The following CARM1 variants were observed in gnomAD, a reference collection of about 807,000 sequenced individuals.
CARM1 encodes the protein coactivator associated arginine methyltransferase 1.
In CARM1, 14 loss-of-function variants were observed where a neutral mutation model predicts 72.7. That is an observed-to-expected ratio of 0.19 (90% CI 0.13 to 0.30). The LOEUF is 0.30. CARM1 is among the 10% of genes least tolerant of loss of function. The pLI, the probability that CARM1 is intolerant of heterozygous loss-of-function variation, is 1.00. For missense variants in CARM1, 432 were observed against 833.7 expected (o/e 0.52, Z 5.93); for synonymous variants, 333 against 345.5 (o/e 0.96, Z 0.40).
At position 10,914,064 on chromosome 19, in the gene CARM1, G is replaced by T. The variant is rs1401369685; in HGVS notation, c.847+10G>T. The T allele has an allele frequency of 1.6e-5, 26 of 1,607,118 alleles. No homozygotes were observed. The highest frequency in any genetic ancestry group is 4.5e-5 in the East Asian group (2 of 44,510). On this transcript the variant is annotated intron_variant, in intron 6 of 15. Transcript: ENST00000327064. The stretch of plus-strand genomic sequence containing the variant: ...TACCTGAAGCCCAGCGGTGAGCACT[G>T]GGGGGTACACAGGCCAGGCCCCTCG...
Position 10,921,833 on chromosome 19 carries a change from C to T in CARM1, c.*76C>T. Reference sequence around the variant, plus strand: ...CCGCCGCCCCCGCCGGGCGGCTTTCCCCCTTGTACTGGAGAAGCTCGAACA... The same window carrying T: ...CCGCCGCCCCCGCCGGGCGGCTTTCTCCCTTGTACTGGAGAAGCTCGAACA... On this transcript the variant is annotated 3_prime_UTR_variant, in exon 16 of 16. Coordinates refer to ENST00000327064, the MANE Select transcript of CARM1 (RefSeq NM_199141.2). The T allele has an allele frequency of 1.4e-6, 2 of 1,430,870 alleles. No individual in the cohort carries two copies. Among genetic ancestry groups the T allele is most frequent in the East Asian group, 4.7e-5 (2 of 42,478 alleles). The allele number at this position is 1,430,870 out of a possible 1,614,324, so 88.6% of individuals were successfully genotyped here.
intron 1 of CARM1, among the ~76,000 whole-genome samples, chr19:10,885,125 C>G (rs909220131): frequency 6.6e-6 from 1 of 152,220 alleles, no homozygotes; most frequent in Non-Finnish European, 1.5e-5. Flanking sequence ...AGACATGGAA[C>G]TTGTTCCCCT....
intron 1 of CARM1, among the ~76,000 whole-genome samples, chr19:10,903,843 C>T (rs1457800810): frequency 6.6e-6 from 1 of 152,150 alleles, no homozygotes; most frequent in African/African-American, 2.4e-5. Flanking sequence ...CCTAAGACAA[C>T]AGGCGCATGC....
At chr19:10,875,458 T>C (rs1251025825) in intron 1 of CARM1, among the ~76,000 whole-genome samples, 1 of 151,712 alleles carries the variant, frequency 6.6e-6, no homozygotes, top group Non-Finnish European at 1.5e-5. Context: ...GGAGTCTGGC[T>C]CTGTCACCCA....
intron 4 of CARM1, among the ~76,000 whole-genome samples, chr19:10,910,860 G>A (rs557941664): frequency 2.6e-5 from 4 of 151,794 alleles, no homozygotes; most frequent in South Asian, 2.1e-4. Context: ...CACTGCACCC[G>A]GCTTACTCAG....
intron 4 of CARM1, among the ~76,000 whole-genome samples, chr19:10,910,051 G>T (rs1017487649): frequency 2.0e-5 from 3 of 152,076 alleles, no homozygotes; most frequent in African/African-American, 4.8e-5. Flanking sequence ...TGTGATTGGG[G>T]TACTGCTCTC....
chr19:10,895,191 G>T (rs2074015674), intron 1 of CARM1, among the ~76,000 whole-genome samples: 1 of 152,080 alleles, frequency 6.6e-6, no homozygotes, highest in Admixed American at 6.6e-5. Context: ...TGCAACCTCC[G>T]CCTCCCAGGT....
Position 10,871,814 on chromosome 19 carries a change from C to A in CARM1, c.112C>A (p.Leu38Ile). 2 of 1,278,042 alleles carry A rather than the reference C, an allele frequency of 1.6e-6. No homozygotes were observed. Among genetic ancestry groups the A allele is most frequent in the Non-Finnish European group, 2.0e-6 (2 of 1,004,768 alleles). 79.2% of individuals were successfully genotyped at this position (1,278,042 alleles called of 1,614,324 possible). ...TVSVFPGARL[L>I]TIGDANGEIQ... The stretch of plus-strand genomic sequence containing the variant: ...GTCGGTGTTCCCCGGCGCCCGCCTC[C>A]TCACCATCGGCGACGCGAACGGCGA... Residue 38 changes from leucine to isoleucine, a missense_variant, in exon 1 of 16, where the codon CTC becomes ATC. By Grantham distance (5) the Leu-to-Ile change is conservative. Around this residue, in one of 3 missense-constraint regions of CARM1, gnomAD observed 138 missense variants for 192.3 expected, o/e 0.72. Coordinates refer to ENST00000327064, the MANE Select transcript of CARM1 (RefSeq NM_199141.2). This position sits in a 1 kb window ranked among gnomAD's most constrained non-coding sequence, Gnocchi z 5.6.
chr19:10,875,430 TC>T lies in CARM1; in HGVS notation c.220+3509del, dbSNP rs1236943096. Among the ~76,000 whole-genome samples, 64 of 152,016 alleles carry T rather than the reference TC, an allele frequency of 4.2e-4. 2 individuals carry two copies. In the South Asian group the frequency reaches 0.012, roughly 29 times the overall value. Reference sequence around the variant, plus strand: ...TCCCACCTCAGCTGTTCTTTTCTTTTCTTTTTTTTTTTGAGACGGAGTCTGG... The same window carrying T: ...TCCCACCTCAGCTGTTCTTTTCTTTTTTTTTTTTTTTGAGACGGAGTCTGG... On this transcript the variant is annotated intron_variant, in intron 1 of 15. Transcript: ENST00000327064.
At chr19:10,882,762 G>A (rs2073911853) in intron 1 of CARM1, among the ~76,000 whole-genome samples, 1 of 152,046 alleles carries the variant, frequency 6.6e-6, no homozygotes. Flanking sequence ...GGCTGGCCTC[G>A]AACTCCTAAC....
intron 1 of CARM1, among the ~76,000 whole-genome samples, chr19:10,890,343 C>G (rs1333758476): frequency 6.6e-6 from 1 of 150,382 alleles, no homozygotes; most frequent in Non-Finnish European, 1.5e-5. Context: ...TCTTGGCTCA[C>G]TGCAACCTCC....
intron 1 of CARM1, among the ~76,000 whole-genome samples, chr19:10,879,521 G>C (rs2073886597): frequency 6.6e-6 from 1 of 152,188 alleles, no homozygotes; most frequent in Admixed American, 6.5e-5. Flanking sequence ...CAGTGGGCCA[G>C]GGCTGGAGAC....
chr19:10,871,610 G>GGCGGCT lies in CARM1; in HGVS notation c.-88_-87insTGCGGC, dbSNP rs1555723442. The GGCGGCT allele has an allele frequency of 2.0e-4, 26 of 132,816 alleles. No homozygotes were observed. Among genetic ancestry groups the GGCGGCT allele is most frequent in the South Asian group, 1.2e-3 (5 of 4,136 alleles). The allele number at this position is 132,816 out of a possible 1,614,324, so 8.2% of individuals were successfully genotyped here. ...CGGCAGCGGCGGCGGCGGCGGCGGC[G>GGCGGCT]GCGGCGGCGGCGGCGGCGGCGGCGG... is the stretch of plus-strand genomic sequence containing the variant. On this transcript the variant is annotated 5_prime_UTR_variant, in exon 1 of 16. Transcript: ENST00000327064. This position sits in a 1 kb window ranked among gnomAD's most constrained non-coding sequence, Gnocchi z 5.6.
At position 10,913,445 on chromosome 19, in the gene CARM1, G is replaced by A. The variant is rs138621368; in HGVS notation, c.670-432G>A. Reference sequence around the variant, plus strand: ...CCCAGCTACTCGGGAGGCTGAGGTGGGAGAATCGCTAGAACCCGGGAGGCA... The same window carrying A: ...CCCAGCTACTCGGGAGGCTGAGGTGAGAGAATCGCTAGAACCCGGGAGGCA... On this transcript the variant is annotated intron_variant, in intron 5 of 15. Coordinates refer to ENST00000327064, the MANE Select transcript of CARM1 (RefSeq NM_199141.2). 1.1e-3 allele frequency among the ~76,000 whole-genome samples: 163 copies of A among 152,042 alleles called. 1 individual carries two copies. The highest frequency in any genetic ancestry group is 3.7e-3 in the African/African-American group (153 of 41,484).
chr19:10,873,939 A>G (rs2073842790), intron 1 of CARM1, among the ~76,000 whole-genome samples: 1 of 151,954 alleles, frequency 6.6e-6, no homozygotes, highest in Non-Finnish European at 1.5e-5. Flanking sequence ...CCGCCCGGCC[A>G]GAACAATTTT....
At chr19:10,877,958 C>T (rs1018985436) in intron 1 of CARM1, among the ~76,000 whole-genome samples, 3 of 152,186 alleles carry the variant, frequency 2.0e-5, no homozygotes, top group African/African-American at 2.4e-5. Context: ...CCTCTGGCCT[C>T]ATCCTCCCAA....
chr19:10,895,139 C>CT (rs1414146769), intron 1 of CARM1, among the ~76,000 whole-genome samples: 7 of 152,050 alleles, frequency 4.6e-5, no homozygotes, highest in Admixed American at 1.3e-4. Flanking sequence ...GAGTCTCGCT[C>CT]TATCACCCAG....
chr19:10,880,219 C>T (rs2073891668), intron 1 of CARM1, among the ~76,000 whole-genome samples: 1 of 152,174 alleles, frequency 6.6e-6, no homozygotes, highest in Admixed American at 6.6e-5. Context: ...GCAAAGACAT[C>T]CAGGGAAGCA....
At position 10,912,781 on chromosome 19, in the gene CARM1, G is replaced by C. The variant is rs1306722707; in HGVS notation, c.669+487G>C. On this transcript the variant is annotated intron_variant, in intron 5 of 15. Coordinates refer to ENST00000327064, the MANE Select transcript of CARM1 (RefSeq NM_199141.2). The surrounding 1 kb of genome is among the most constrained non-coding windows in gnomAD (Gnocchi z 4.5). ...GTCGTGGAGGGGCCATCTTTGTTCT[G>C]TCTTGCCGCCGCAGAGCACCCCTGT... Among the ~76,000 whole-genome samples, 1 of 152,112 alleles carries C rather than the reference G, an allele frequency of 6.6e-6. No individual in the cohort carries two copies. The highest frequency in any genetic ancestry group is 1.5e-5 in the Non-Finnish European group (1 of 68,020).
Sources: allele counts gnomAD v4.1 joint callset (sites outside exome capture counted in the v4.1 genomes callset), GRCh38; gene constraint gnomAD v4.1.1; regional missense constraint gnomAD v4.1.1; non-coding constraint Gnocchi (gnomAD v3.1); transcripts MANE v1.5; gene names NCBI Gene and HGNC (gene_info 2026-07-23, HGNC 2026-07-21).